RNF128: variants seen among roughly 807,000 people sequenced by gnomAD.
RNF128 encodes E3 ubiquitin-protein ligase RNF128.
Under a neutral mutation model 26.2 loss-of-function variants are expected in RNF128, and 13 were observed. The ratio of observed to expected loss-of-function variants is 0.50; its 90% CI spans 0.32 to 0.79. The LOEUF is 0.79. Ranked by LOEUF, RNF128 falls within the 30% of genes least tolerant of loss-of-function variation. RNF128 has a pLI of 0.03. For synonymous variants in RNF128, 149 were observed against 142.5 expected, an observed-to-expected ratio of 1.05 and a Z score of -0.32; for missense variants, 315 against 349.7, an observed-to-expected ratio of 0.90 and a Z score of 0.79.
chrX:106,771,580 G>T (rs1930372019), intron 1 of RNF128, among the ~76,000 whole-genome samples: 1 of 112,875 alleles, frequency 8.9e-6, no homozygotes, highest in Non-Finnish European at 1.9e-5. Context: ...CTCCTGGTGT[G>T]CCATTTGCTA....
At chrX:106,700,000 T>A (rs1385497839) in intron 1 of RNF128, among the ~76,000 whole-genome samples, 1 of 109,183 alleles carries the variant, frequency 9.2e-6, no homozygotes, top group Non-Finnish European at 1.9e-5. Context: ...TTTTCTTTTT[T>A]AATTTATTTT....
chrX:106,759,145 A>G (rs1402049304), intron 1 of RNF128, among the ~76,000 whole-genome samples: 4 of 112,351 alleles, frequency 3.6e-5, no homozygotes, highest in Non-Finnish European at 5.6e-5. Context: ...ACATTTCTCA[A>G]AAGAAGACAT....
At chrX:106,733,708 TTA>T (rs1289160052) in intron 1 of RNF128, among the ~76,000 whole-genome samples, 5 of 111,580 alleles carry the variant, frequency 4.5e-5, no homozygotes, top group Non-Finnish European at 5.6e-5. Flanking sequence ...TTTTATTTAT[TTA>T]TTTTTTTTGA....
intron 1 of RNF128, among the ~76,000 whole-genome samples, chrX:106,711,663 C>G (rs1204844365): frequency 8.9e-6 from 1 of 111,930 alleles, no homozygotes; most frequent in Non-Finnish European, 1.9e-5. Flanking sequence ...CAGTACTTGT[C>G]TCAAGCACAT....
intron 3 of RNF128, among the ~76,000 whole-genome samples, chrX:106,785,708 T>C (rs1276736547): frequency 8.9e-6 from 1 of 112,369 alleles, no homozygotes; most frequent in Non-Finnish European, 1.9e-5. Flanking sequence ...TGAATTATGA[T>C]AATTTGTTAC....
intron 1 of RNF128, among the ~76,000 whole-genome samples, chrX:106,749,724 A>T (rs1929847946): frequency 9.0e-6 from 1 of 110,839 alleles, no homozygotes. Flanking sequence ...TGGGCAACAT[A>T]GTGAGACCCC....
At chrX:106,707,651 C>A (rs1481667492) in intron 1 of RNF128, among the ~76,000 whole-genome samples, 1 of 110,655 alleles carries the variant, frequency 9.0e-6, no homozygotes, top group Admixed American at 9.7e-5. Context: ...GTGTGATGTG[C>A]GGTTTTTTGT....
chrX:106,753,937 C>A (rs1352228611), intron 1 of RNF128, among the ~76,000 whole-genome samples: 1 of 111,823 alleles, frequency 8.9e-6, no homozygotes, highest in African/African-American at 3.2e-5. Flanking sequence ...CTGGAGCACC[C>A]AGGTGTATAA....
intron 4 of RNF128, 25 bp from the exon 5 acceptor site, chrX:106,790,161 T>C: frequency 2.9e-6 from 3 of 1,023,888 alleles, no homozygotes; most frequent in Non-Finnish European, 4.1e-6. Flanking sequence ...TTACAACTGA[T>C]AATTATGTTT....
intron 1 of RNF128, among the ~76,000 whole-genome samples, chrX:106,765,075 T>A (rs914835742): frequency 2.7e-5 from 3 of 111,891 alleles, no homozygotes; most frequent in African/African-American, 9.7e-5. Flanking sequence ...CACTCCCCAT[T>A]GTTTTTGAGA....
intron 6 of RNF128, 65 bp downstream of exon 6, chrX:106,791,299 T>C (rs1382618655): frequency 6.9e-6 from 7 of 1,015,012 alleles, no homozygotes; most frequent in Non-Finnish European, 9.2e-6. Context: ...GCCTGTATAG[T>C]ACTCTTGCTT....
At chrX:106,694,148 G>A (rs766685099) in exon 1 of RNF128, 17 of 1,211,211 alleles carry the variant, frequency 1.4e-5, no homozygotes, top group Non-Finnish European at 1.9e-5. Context: ...ATAGAGACAT[G>A]TGAATGTGGC....
chrX:106,786,949 A>G (rs1437032086), intron 3 of RNF128, among the ~76,000 whole-genome samples: 1 of 111,811 alleles, frequency 8.9e-6, no homozygotes, highest in African/African-American at 3.2e-5. Context: ...AACTGAAAAT[A>G]CCAAGAGCTG....
At chrX:106,713,257 C>T (rs1271175836) in intron 1 of RNF128, among the ~76,000 whole-genome samples, 1 of 109,417 alleles carries the variant, frequency 9.1e-6, no homozygotes, top group Non-Finnish European at 1.9e-5. Flanking sequence ...ACCTGTAATC[C>T]CAGCACTTTG....
At chrX:106,756,254 A>G (rs1930007617) in intron 1 of RNF128, among the ~76,000 whole-genome samples, 1 of 111,391 alleles carries the variant, frequency 9.0e-6, no homozygotes, top group Non-Finnish European at 1.9e-5. Flanking sequence ...TTCATATGGA[A>G]TCAAAAAAGA....
At chrX:106,697,289 C>T (rs1052107815) in intron 1 of RNF128, among the ~76,000 whole-genome samples, 2 of 111,612 alleles carry the variant, frequency 1.8e-5, no homozygotes, top group South Asian at 3.7e-4. Flanking sequence ...GTTTTTGTGG[C>T]GAGGACACTG....
chrX:106,694,874 A>G (rs758790541), intron 1 of RNF128, among the ~76,000 whole-genome samples: 3 of 111,641 alleles, frequency 2.7e-5, no homozygotes, highest in African/African-American at 9.7e-5. Context: ...AGAAATGAGA[A>G]CTTGACTCTA....
chrX:106,713,402 G>C (rs1929163374), intron 1 of RNF128, among the ~76,000 whole-genome samples: 1 of 110,613 alleles, frequency 9.0e-6, no homozygotes, highest in East Asian at 2.9e-4. Flanking sequence ...AGCTACTCGG[G>C]AGACTGAGGT....
chrX:106,718,675 T>A (rs1014744070), intron 1 of RNF128, among the ~76,000 whole-genome samples: 11 of 111,581 alleles, frequency 9.9e-5, no homozygotes, highest in Non-Finnish European at 1.3e-4. Context: ...TACTTTATAC[T>A]GCATGATTTG....
Sources: gnomAD v4.1 joint callset for allele counts (sites outside exome capture counted in the v4.1 genomes callset) on GRCh38, gnomAD v4.1.1 for gene constraint, MANE v1.5 for transcripts, NCBI Gene and HGNC (gene_info 2026-07-23, HGNC 2026-07-21) for gene names.